CLDN14: variants seen among roughly 807,000 people sequenced by gnomAD.
CLDN14 encodes claudin-14.
A neutral mutation model predicts 2.1 loss-of-function variants in CLDN14; 2 were observed. That is an observed-to-expected ratio of 0.96 (90% confidence interval 0.39 to 3.01). The LOEUF is 3.01. Ranked by LOEUF, CLDN14 falls within the 30% of genes most tolerant of loss-of-function variation. The pLI is 0.09. For synonymous variants in CLDN14, 136 were observed against 154.4 expected, an observed-to-expected ratio of 0.88 and a Z score of 0.88; for missense variants, 298 against 328.0, an observed-to-expected ratio of 0.91 and a Z score of 0.71.
chr21:36,563,452 G>A (rs975470129), intron 1 of CLDN14, among the ~76,000 whole-genome samples: 2 of 151,776 alleles, frequency 1.3e-5, no homozygotes, highest in African/African-American at 4.8e-5. Flanking sequence ...AAGTCAATGT[G>A]CTGTAAACAT....
At chr21:36,569,804 C>T (rs1336791308) in intron 1 of CLDN14, among the ~76,000 whole-genome samples, 1 of 152,182 alleles carries the variant, frequency 6.6e-6, no homozygotes, top group Non-Finnish European at 1.5e-5. Flanking sequence ...GGTAGCCTGG[C>T]ACTGATGTGA....
intron 2 of CLDN14, chr21:36,486,684 T>C (rs557822684): frequency 7.5e-7 from 1 of 1,334,904 alleles, no homozygotes; most frequent in African/African-American, 1.4e-5. Flanking sequence ...AAATTTATCA[T>C]GTCAACATTT....
intron 1 of CLDN14, among the ~76,000 whole-genome samples, chr21:36,527,156 T>G (rs768810435): frequency 2.6e-5 from 4 of 152,208 alleles, no homozygotes; most frequent in Admixed American, 6.5e-5. Context: ...CTCTCGGACG[T>G]GATAATTTCA....
In CLDN14 at chr21:36,499,407, C is replaced by A. The variant is rs981173184; in HGVS notation, c.-82+10956G>T. Among the ~76,000 whole-genome samples, 14 of 152,156 alleles carry A rather than the reference C, an allele frequency of 9.2e-5. No homozygotes were observed. Among genetic ancestry groups the A allele is most frequent in the Admixed American group, 7.2e-4 (11 of 15,268 alleles). ...TACTTGAAACCTGCATACACACAGC[C>A]TTTTTGTTTTATGGGCTGGGTTCCT... On this transcript the variant is annotated intron_variant, in intron 2 of 2. Coordinates refer to the CLDN14 transcript ENST00000342108. This position sits in a 1 kb window ranked among gnomAD's most constrained non-coding sequence, Gnocchi z 4.7.
intron 1 of CLDN14, among the ~76,000 whole-genome samples, chr21:36,472,519 C>T (rs1601596134): frequency 6.6e-6 from 1 of 152,122 alleles, no homozygotes; most frequent in East Asian, 1.9e-4. Flanking sequence ...TGAAGTTAGT[C>T]CTTGGACAAG....
chr21:36,532,822 C>A (rs2087391816), intron 1 of CLDN14, among the ~76,000 whole-genome samples: 1 of 152,156 alleles, frequency 6.6e-6, no homozygotes, highest in Admixed American at 6.5e-5. Context: ...AATAAAAATG[C>A]ATTCCCCCTG....
chr21:36,566,981 G>A (rs1452731138), intron 1 of CLDN14, among the ~76,000 whole-genome samples: 2 of 152,240 alleles, frequency 1.3e-5, no homozygotes, highest in African/African-American at 4.8e-5. Flanking sequence ...GGAGTGTCAA[G>A]TTTGGGATAA....
intron 2 of CLDN14, among the ~76,000 whole-genome samples, chr21:36,505,236 T>C (rs1300533568): frequency 6.6e-6 from 1 of 152,252 alleles, no homozygotes; most frequent in Non-Finnish European, 1.5e-5. Context: ...GTATTTCATA[T>C]GTCTTTGTTT....
rs1052375747 is a variant in CLDN14 at position 36,507,533 on chromosome 21, G to A, written c.-82+2830C>T. On this transcript the variant is annotated intron_variant, in intron 2 of 2. Transcript: ENST00000342108. ...AATCCCAGCACTTCGAAAGGCCAAG[G>A]TGGGTGGATCACCTAAGGTCAGAAG... Among the ~76,000 whole-genome samples the A allele has an allele frequency of 1.3e-4, 20 of 152,304 alleles. 1 individual carries two copies. Among genetic ancestry groups the A allele is most frequent in the African/African-American group, 4.6e-4 (19 of 41,562 alleles).
At chr21:36,474,968 G>A (rs1601597599) in intron 1 of CLDN14, among the ~76,000 whole-genome samples, 2 of 152,212 alleles carry the variant, frequency 1.3e-5, no homozygotes, top group African/African-American at 4.8e-5. Flanking sequence ...ATGATGTCTT[G>A]AGACAGGAGA....
chr21:36,486,216 C>T, intron 2 of CLDN14: 1 of 923,646 alleles, frequency 1.1e-6, no homozygotes, highest in Non-Finnish European at 1.8e-6. Flanking sequence ...TCCGCCTGGC[C>T]AAACTCTGCT....
intron 1 of CLDN14, among the ~76,000 whole-genome samples, chr21:36,468,747 TTTTC>T (rs749433177): frequency 1.1e-3 from 171 of 150,684 alleles, no homozygotes; most frequent in Middle Eastern, 3.4e-3. Flanking sequence ...ACTTTTTTCT[TTTTC>T]TTTCTTTCTT....
At chr21:36,571,886 G>A (rs419941) in intron 1 of CLDN14, among the ~76,000 whole-genome samples, 114,501 of 151,958 alleles carry the variant, frequency 0.75, 44,512 homozygotes, top group Non-Finnish European at 0.87. Context: ...AAAGGTCAGC[G>A]TATAGAAAAT....
chr21:36,461,074 C>A lies in CLDN14; in HGVS notation c.622G>T (p.Ala208Ser). Residue 208 changes from alanine (A) to serine (S), a missense_variant, in exon 2 of 2, where the codon GCA becomes TCA. Coordinates refer to ENST00000399135, the MANE Select transcript of CLDN14 (RefSeq NM_001146079.2). Reference protein sequence around the residue: ...PRATTTTANTAPAYQPPAAYK... With the variant: ...PRATTTTANTSPAYQPPAAYK... ...GCAGCTGGTGGCTGGTAGGCAGGTG[C>A]GGTGTTTGCAGTGGTCGTGGTGGCC... 1 of 1,614,064 alleles carries A rather than the reference C, an allele frequency of 6.2e-7. No homozygotes were observed. Among genetic ancestry groups the A allele is most frequent in the Non-Finnish European group, 8.5e-7 (1 of 1,179,972 alleles).
At position 36,544,593 on chromosome 21, in the gene CLDN14, C is replaced by T. The variant is rs997238283; in HGVS notation, c.-220+31818G>A. ...GGCATCCCCTCCTCCAGAGCACACTCACTCTCAGACGCCCAGGGAGCTAAG... is the reference window on the plus strand; with the variant it reads ...GGCATCCCCTCCTCCAGAGCACACTTACTCTCAGACGCCCAGGGAGCTAAG... On this transcript the variant is annotated intron_variant, in intron 1 of 2. Transcript: ENST00000342108. The surrounding 1 kb of genome is among the most constrained non-coding windows in gnomAD (Gnocchi z 4.1). Among the ~76,000 whole-genome samples the T allele has an allele frequency of 6.6e-6, 1 of 152,192 alleles. No individual in the cohort carries two copies. The highest frequency in any genetic ancestry group is 2.1e-4 in the South Asian group (1 of 4,828).
chr21:36,566,894 C>T (rs539275954), intron 1 of CLDN14, among the ~76,000 whole-genome samples: 3 of 152,260 alleles, frequency 2.0e-5, no homozygotes, highest in African/African-American at 7.2e-5. Flanking sequence ...GTGAGGAGGC[C>T]GGAAGACATC....
At chr21:36,568,303 C>T (rs1036120781) in intron 1 of CLDN14, among the ~76,000 whole-genome samples, 7 of 152,192 alleles carry the variant, frequency 4.6e-5, no homozygotes, top group Non-Finnish European at 8.8e-5. Flanking sequence ...AGAAAGCCTT[C>T]CTTGCCCCAC....
At position 36,464,668 on chromosome 21, in the gene CLDN14, T is replaced by C. The variant is rs148075105; in HGVS notation, c.-81-2892A>G. On this transcript the variant is annotated intron_variant, in intron 1 of 1. Coordinates refer to ENST00000399135, the MANE Select transcript of CLDN14 (RefSeq NM_001146079.2). ...AGAGGGGGTGCCAGCGGACCCACCCTGCACCCTGAGCACACCGATGGCACC... is the reference window on the plus strand; with the variant it reads ...AGAGGGGGTGCCAGCGGACCCACCCCGCACCCTGAGCACACCGATGGCACC... Among the ~76,000 whole-genome samples, 787 of 152,326 alleles carry C rather than the reference T, an allele frequency of 5.2e-3. 3 individuals carry two copies. Among genetic ancestry groups the C allele is most frequent in the Middle Eastern group, 0.014 (4 of 294 alleles).
intron 2 of CLDN14, among the ~76,000 whole-genome samples, chr21:36,503,324 G>C (rs2226830): frequency 6.6e-6 from 1 of 152,052 alleles, no homozygotes. Context: ...AAAGTGTTAG[G>C]ATTACAGGCA....
Sources: gnomAD v4.1 joint callset for allele counts (sites outside exome capture counted in the v4.1 genomes callset) on GRCh38, gnomAD v4.1.1 for gene constraint, Gnocchi (gnomAD v3.1) non-coding constraint, MANE v1.5 for transcripts, NCBI Gene and HGNC (gene_info 2026-07-23, HGNC 2026-07-21) for gene names.